The following NPAS2 variants were observed in gnomAD, a reference collection of about 807,000 sequenced individuals.
NPAS2 encodes the protein neuronal PAS domain protein 2.
NPAS2 carries 23 observed loss-of-function variants against 107.5 expected under a neutral mutation model. That is an observed-to-expected ratio of 0.21 (90% CI 0.15 to 0.30). The LOEUF is 0.30. Ranked by LOEUF, NPAS2 falls within the 10% of genes least tolerant of loss-of-function variation. NPAS2 has a pLI of 1.00. For missense variants in NPAS2, 756 were observed against 1,043.3 expected, an observed-to-expected ratio of 0.72 and a Z score of 3.79; for synonymous variants, 403 against 417.5, an observed-to-expected ratio of 0.97 and a Z score of 0.42.
intron 5 of NPAS2, among the ~76,000 whole-genome samples, chr2:100,945,397 T>A (rs1473053517): frequency 6.6e-6 from 1 of 152,202 alleles, no homozygotes; most frequent in Non-Finnish European, 1.5e-5. Flanking sequence ...ACGATATTGA[T>A]GAGTTGCCTG....
rs1403994932 is a variant in NPAS2 at position 100,996,530 on chromosome 2, A to C, written c.*948A>C. On this transcript the variant is annotated 3_prime_UTR_variant, in exon 21 of 21. Transcript: ENST00000335681. The stretch of plus-strand genomic sequence containing the variant: ...ATGCTGCATCTTTCTACATATCTTC[A>C]TGAGAATACTGAGAATTGGATTTTC... 2 of 152,638 alleles carry C rather than the reference A, an allele frequency of 1.3e-5. No homozygotes were observed. The highest frequency in any genetic ancestry group is 1.3e-4 in the Admixed American group (2 of 15,290). The allele number at this position is 152,638 out of a possible 1,614,324, so 9.5% of individuals were successfully genotyped here. A position where few individuals can be genotyped will look rare whatever the true frequency, so the allele number is the denominator to read the frequency against.
chr2:100,954,612 T>A (rs1675441279), intron 7 of NPAS2, among the ~76,000 whole-genome samples: 2 of 138,400 alleles, frequency 1.4e-5, no homozygotes, highest in African/African-American at 5.5e-5. Context: ...TTGCAGTGAG[T>A]GGAGATTGTG....
rs1439560417 is a variant in NPAS2 at position 100,937,857 on chromosome 2, C to T, written c.363+15C>T. The T allele has an allele frequency of 1.9e-6, 3 of 1,567,192 alleles. No homozygotes were observed. Among genetic ancestry groups the T allele is most frequent in the Non-Finnish European group, 2.6e-6 (3 of 1,137,088 alleles). On this transcript the variant is annotated intron_variant, in intron 5 of 20. Transcript: ENST00000335681. ...GGCATTTACCGGTGAGTTTCCACTC[C>T]AATGGCCTTTACCGGTTCACGTTAC... is the stretch of plus-strand genomic sequence containing the variant.
intron 5 of NPAS2, among the ~76,000 whole-genome samples, chr2:100,942,266 T>C (rs758844538): frequency 6.6e-6 from 1 of 151,804 alleles, no homozygotes; most frequent in African/African-American, 2.4e-5. Flanking sequence ...CAGGAGGAGA[T>C]CCCAGGAAAG....
intron 1 of NPAS2, chr2:100,821,109 G>A (rs1443862046): frequency 1.2e-5 from 16 of 1,304,562 alleles, no homozygotes; most frequent in African/African-American, 1.5e-5. Flanking sequence ...GAAGAGCTGG[G>A]CAGGTCGGTA....
chr2:100,942,393 C>G (rs1674628134), intron 5 of NPAS2, among the ~76,000 whole-genome samples: 1 of 149,026 alleles, frequency 6.7e-6, no homozygotes, highest in Admixed American at 6.7e-5. Context: ...CCCTCACCTG[C>G]TGGAAGCTCC....
At chr2:100,885,571 T>C (rs1680651274) in intron 1 of NPAS2, among the ~76,000 whole-genome samples, 1 of 152,214 alleles carries the variant, frequency 6.6e-6, no homozygotes, top group Non-Finnish European at 1.5e-5. Context: ...GGTAAAGATA[T>C]CCTGAATTGC....
At chr2:100,910,945 C>T (rs1682509653) in intron 2 of NPAS2, among the ~76,000 whole-genome samples, 1 of 152,208 alleles carries the variant, frequency 6.6e-6, no homozygotes, top group Non-Finnish European at 1.5e-5. Flanking sequence ...GGTTGTGCAC[C>T]TGTCTCCAGA....
At chr2:100,858,823 C>A (rs184847955) in intron 1 of NPAS2, among the ~76,000 whole-genome samples, 52 of 152,130 alleles carry the variant, frequency 3.4e-4, no homozygotes, top group Non-Finnish European at 6.6e-4. Context: ...TCAGTGTGCA[C>A]GCCCCGTCCT....
At chr2:100,947,212 C>A (rs772944226) in intron 5 of NPAS2, among the ~76,000 whole-genome samples, 5 of 152,168 alleles carry the variant, frequency 3.3e-5, no homozygotes, top group Non-Finnish European at 5.9e-5. Flanking sequence ...ACCTGCATAT[C>A]CAATATGGTA....
chr2:100,979,604 C>T (rs1677308962), intron 15 of NPAS2, among the ~76,000 whole-genome samples: 3 of 147,892 alleles, frequency 2.0e-5, no homozygotes, highest in Admixed American at 6.9e-5. Context: ...ACCTCCACCT[C>T]CTGGGTTCCA....
At chr2:100,946,402 A>G (rs529438061) in intron 5 of NPAS2, among the ~76,000 whole-genome samples, 1 of 152,194 alleles carries the variant, frequency 6.6e-6, no homozygotes, top group Non-Finnish European at 1.5e-5. Context: ...ACTTCAAAGC[A>G]GGGACCTGAA....
chr2:100,953,860 G>A (rs1186911330), intron 7 of NPAS2, among the ~76,000 whole-genome samples: 2 of 152,186 alleles, frequency 1.3e-5, no homozygotes. Context: ...CATGTCAGAT[G>A]CCCTGCACCC....
chr2:100,872,575 T>C (rs1679646408), intron 1 of NPAS2, among the ~76,000 whole-genome samples: 1 of 152,196 alleles, frequency 6.6e-6, no homozygotes, highest in South Asian at 2.1e-4. Context: ...ATAGATACCA[T>C]TTTCTGGGGT....
At chr2:100,841,950 A>G (rs1677438437) in intron 1 of NPAS2, among the ~76,000 whole-genome samples, 1 of 152,210 alleles carries the variant, frequency 6.6e-6, no homozygotes, top group African/African-American at 2.4e-5. Context: ...AAGTGCATGT[A>G]CATATACACA....
chr2:100,867,027 C>A (rs1283988205), intron 1 of NPAS2, among the ~76,000 whole-genome samples: 4 of 152,192 alleles, frequency 2.6e-5, no homozygotes, highest in Admixed American at 6.5e-5. Flanking sequence ...ATTTGGTCAC[C>A]TGACAAATAG....
intron 7 of NPAS2, among the ~76,000 whole-genome samples, chr2:100,957,037 G>A (rs2105103633): frequency 6.6e-6 from 1 of 152,300 alleles, no homozygotes; most frequent in African/African-American, 2.4e-5. Context: ...TCAGCCAAGT[G>A]GAATTTTCCC....
intron 7 of NPAS2, among the ~76,000 whole-genome samples, chr2:100,963,109 T>A (rs1676006870): frequency 6.6e-6 from 1 of 152,264 alleles, no homozygotes; most frequent in African/African-American, 2.4e-5. Context: ...TGTGTTCCTC[T>A]GGGGGTGACC....
At chr2:100,964,332 G>A (rs1222964203) in intron 8 of NPAS2, among the ~76,000 whole-genome samples, 156 bp downstream of exon 8, 6 of 152,196 alleles carry the variant, frequency 3.9e-5, no homozygotes, top group East Asian at 1.9e-4. Flanking sequence ...CTGCACACAC[G>A]CCCTTTCCCC....
Sources: gnomAD v4.1 joint callset for allele counts (sites outside exome capture counted in the v4.1 genomes callset) on GRCh38, gnomAD v4.1.1 for gene constraint, MANE v1.5 for transcripts, NCBI Gene and HGNC (gene_info 2026-07-23, HGNC 2026-07-21) for gene names.